The following ARNT2 variants were observed in gnomAD, a reference collection of about 807,000 sequenced individuals.
The protein encoded by ARNT2 is ARNT protein 2.
In ARNT2, 36 loss-of-function variants were observed where a neutral mutation model predicts 91.7. That is an observed-to-expected ratio of 0.39 (90% CI 0.30 to 0.52). ARNT2 has a LOEUF of 0.52. Ranked by LOEUF, ARNT2 falls within the 20% of genes least tolerant of loss-of-function variation. The pLI, the probability that ARNT2 is intolerant of heterozygous loss-of-function variation, is 0.72. For synonymous variants in ARNT2, 365 were observed against 347.1 expected, an observed-to-expected ratio of 1.05 and a Z score of -0.57; for missense variants, 775 against 939.3, an observed-to-expected ratio of 0.83 and a Z score of 2.29.
At chr15:80,445,306 A>G (rs1323774228) in intron 1 of ARNT2, among the ~76,000 whole-genome samples, 12 of 124,994 alleles carry the variant, frequency 9.6e-5, no homozygotes, top group African/African-American at 3.8e-4. Flanking sequence ...ATATGTGTCG[A>G]GAGTGGTGTG....
chr15:80,517,337 G>A (rs1897453830), intron 8 of ARNT2, among the ~76,000 whole-genome samples: 1 of 152,064 alleles, frequency 6.6e-6, no homozygotes, highest in Non-Finnish European at 1.5e-5. Context: ...TTCTTCTATA[G>A]GTAGTGTGGG....
At chr15:80,477,453 T>A (rs1320611116) in intron 5 of ARNT2, among the ~76,000 whole-genome samples, 2 of 152,350 alleles carry the variant, frequency 1.3e-5, no homozygotes, top group Middle Eastern at 3.4e-3. Flanking sequence ...TCTGGGAGAT[T>A]AGAATTTCAG....
chr15:80,557,038 T>C (rs1188893008), intron 11 of ARNT2: 1 of 152,222 alleles, frequency 6.6e-6, no homozygotes, highest in African/African-American at 2.4e-5. Flanking sequence ...AAACATGTGC[T>C]TGACATTCTG....
rs75213791 is a variant in ARNT2 at position 80,482,594 on chromosome 15, C to T, written c.622+7371C>T. On this transcript the variant is annotated intron_variant, in intron 5 of 18. Transcript: ENST00000303329. ...GCATCTAGAGACAAAAAAGCCTTGG[C>T]GTGACCCAATATCCCTGGGGCACCA... Among the ~76,000 whole-genome samples, 567 of 152,260 alleles carry T rather than the reference C, an allele frequency of 3.7e-3. 3 individuals carry two copies. The highest frequency in any genetic ancestry group is 0.02 in the Middle Eastern group (6 of 294).
At chr15:80,525,069 A>G (rs1210443347) in intron 8 of ARNT2, among the ~76,000 whole-genome samples, 1 of 137,574 alleles carries the variant, frequency 7.3e-6, no homozygotes, top group Admixed American at 7.0e-5. Flanking sequence ...TTTCTTTTCT[A>G]TTCATTTCTG....
At position 80,543,094 on chromosome 15, in the gene ARNT2, CAAAAAAAA is replaced by C. The variant is rs368917679; in HGVS notation, c.878-8085_878-8078del. ...CCTGGATAACAGAGCCAGACCCGGT[CAAAAAAAA>C]AAAAAAAAAAAAAAAAAAAGAAAAG... is the stretch of plus-strand genomic sequence containing the variant. On this transcript the variant is annotated intron_variant, in intron 8 of 18. Coordinates refer to ENST00000303329, the MANE Select transcript of ARNT2 (RefSeq NM_014862.4). Among the ~76,000 whole-genome samples the C allele has an allele frequency of 3.5e-4, 30 of 86,680 alleles. No homozygotes were observed. The South Asian group carries it at 9.4e-3, about 27-fold the overall frequency. 56.9% of individuals were successfully genotyped at this position (86,680 alleles called of 152,430 possible). A position where few individuals can be genotyped will look rare whatever the true frequency, so the allele number is the denominator to read the frequency against.
At chr15:80,570,852 A>T (rs1336872523) in intron 12 of ARNT2, among the ~76,000 whole-genome samples, 1 of 152,016 alleles carries the variant, frequency 6.6e-6, no homozygotes, top group African/African-American at 2.4e-5. Flanking sequence ...CTGGCAAAAG[A>T]GTTCCGTACA....
chr15:80,440,680 A>G (rs1441543141), intron 1 of ARNT2, among the ~76,000 whole-genome samples: 3 of 152,170 alleles, frequency 2.0e-5, no homozygotes, highest in African/African-American at 7.2e-5. Flanking sequence ...CCTGCCTACT[A>G]GAAGGGGCTC....
chr15:80,552,597 T>G, intron 9 of ARNT2, 43 bp from the exon 10 acceptor site: 1 of 1,600,936 alleles, frequency 6.2e-7, no homozygotes, highest in Non-Finnish European at 8.5e-7. Context: ...CTCCATCTCG[T>G]CTCTGTCAAC....
At chr15:80,499,766 C>T (rs1897166338) in intron 5 of ARNT2, among the ~76,000 whole-genome samples, 1 of 152,160 alleles carries the variant, frequency 6.6e-6, no homozygotes, top group African/African-American at 2.4e-5. Flanking sequence ...GGTGCTCAGT[C>T]CTCAACCAAT....
rs1567006096 is a variant in ARNT2 at position 80,575,044 on chromosome 15, G to A, written c.1447G>A (p.Ala483Thr). 2 of 1,614,208 alleles carry A rather than the reference G, an allele frequency of 1.2e-6. No homozygotes were observed. The highest frequency in any genetic ancestry group is 1.7e-6 in the Non-Finnish European group (2 of 1,180,016). Residue 483 changes from alanine to threonine, a missense_variant, in exon 14 of 19, where the codon GCG (alanine) becomes ACG (threonine). Physicochemically the swap from Ala to Thr is moderately conservative, Grantham distance 58 (BLOSUM62 0). Around this residue, in one of 5 missense-constraint regions of ARNT2, gnomAD observed 325 missense variants for 359.9 expected, o/e 0.90. Transcript: ENST00000303329. ...TGAGGCCGGGAAGTCCGTGGAAAAG[G>A]CGGATGCAATCTTCTCCCAGGAAAG... ...VHEAGKSVEK[A>T]DAIFSQERDP...
At chr15:80,470,152 G>T in intron 3 of ARNT2, 66 bp from the exon 4 acceptor site, 2 of 1,465,062 alleles carry the variant, frequency 1.4e-6, no homozygotes, top group South Asian at 1.2e-5. Context: ...TATCCCATTA[G>T]ATAGTAATCC....
At chr15:80,578,190 G>A (rs1047341337) in intron 15 of ARNT2, among the ~76,000 whole-genome samples, 5 of 152,166 alleles carry the variant, frequency 3.3e-5, no homozygotes, top group African/African-American at 9.6e-5. Flanking sequence ...GAGCACAGCA[G>A]CAGGAGGTAA....
At chr15:80,526,061 C>T (rs1218298641) in intron 8 of ARNT2, among the ~76,000 whole-genome samples, 2 of 152,094 alleles carry the variant, frequency 1.3e-5, no homozygotes, top group South Asian at 2.1e-4. Context: ...GTTAGTTGTA[C>T]ACTCGTTGTT....
Position 80,448,072 on chromosome 15 carries a change from GT to G in ARNT2, c.32-2799del, listed in dbSNP as rs11402416. On this transcript the variant is annotated intron_variant, in intron 1 of 18. Coordinates refer to ENST00000303329, the MANE Select transcript of ARNT2 (RefSeq NM_014862.4). ...TCATTTTAATTATTGTTGCTTGAGT[GT>G]TTTTTTTTCCCAAGCACTATGTTAG... 1.2e-4 allele frequency among the ~76,000 whole-genome samples: 18 copies of G among 150,870 alleles called. No individual in the cohort carries two copies. In the East Asian group the frequency reaches 1.4e-3, roughly 11 times the overall value.
At chr15:80,433,366 A>G (rs1044348270) in intron 1 of ARNT2, among the ~76,000 whole-genome samples, 1 of 150,646 alleles carries the variant, frequency 6.6e-6, no homozygotes, top group African/African-American at 2.5e-5. Flanking sequence ...GCTCACTGCA[A>G]CCTCTGCCTC....
chr15:80,567,423 C>T (rs1438249105), intron 12 of ARNT2, among the ~76,000 whole-genome samples: 2 of 152,186 alleles, frequency 1.3e-5, no homozygotes, highest in Admixed American at 6.5e-5. Flanking sequence ...CAGGCTAAGA[C>T]TTGAGCTCCC....
chr15:80,545,053 C>T (rs1362366571), intron 8 of ARNT2, among the ~76,000 whole-genome samples: 1 of 152,174 alleles, frequency 6.6e-6, no homozygotes, highest in Non-Finnish European at 1.5e-5. Flanking sequence ...GGGTGTTGGG[C>T]TCAGTGTCTT....
chr15:80,562,135 C>A (rs538997374), intron 11 of ARNT2, among the ~76,000 whole-genome samples: 1 of 151,104 alleles, frequency 6.6e-6, no homozygotes, highest in African/African-American at 2.4e-5. Flanking sequence ...AGTGCAGTGA[C>A]GCAATGTCTG....
Sources: allele counts gnomAD v4.1 joint callset (sites outside exome capture counted in the v4.1 genomes callset), GRCh38; gene constraint gnomAD v4.1.1; regional missense constraint gnomAD v4.1.1; transcripts MANE v1.5; gene names NCBI Gene and HGNC (gene_info 2026-07-23, HGNC 2026-07-21).